ENTPD1: variants seen among roughly 807,000 people sequenced by gnomAD.
ENTPD1 encodes ATP diphosphohydrolase.
Under a neutral mutation model 57.0 loss-of-function variants are expected in ENTPD1, and 33 were observed. The observed-to-expected ratio is 0.58, with a 90% CI of 0.44 to 0.77. The LOEUF (loss-of-function observed/expected upper bound fraction) is 0.77. ENTPD1 is among the 30% of genes least tolerant of loss of function. The pLI, the probability that ENTPD1 is intolerant of heterozygous loss-of-function variation, is 0.00. For synonymous variants in ENTPD1, 202 were observed against 218.8 expected (o/e 0.92, Z 0.68); for missense variants, 501 against 603.4 (o/e 0.83, Z 1.78).
chr10:95,848,586 GC>G (rs907491976), intron 7 of ENTPD1, among the ~76,000 whole-genome samples: 4 of 152,146 alleles, frequency 2.6e-5, no homozygotes, highest in Non-Finnish European at 5.9e-5. Context: ...GGGGCATGAA[GC>G]CAGCTTGCTT....
chr10:95,705,121 G>T, the ENTPD1 span, among the ~76,000 whole-genome samples: 6 of 152,096 alleles, frequency 3.9e-5, no homozygotes, highest in Admixed American at 3.9e-4. Context: ...CTTTTTAAAG[G>T]TGGAGGATAT....
At chr10:95,706,497 C>T in the ENTPD1 span, among the ~76,000 whole-genome samples, 703 of 152,206 alleles carry the variant, frequency 4.6e-3, 2 homozygotes, top group Middle Eastern at 0.02. Context: ...CCTCTCTGCC[C>T]GCTGGTCGTC....
intron 1 of ENTPD1, among the ~76,000 whole-genome samples, chr10:95,737,176 A>G (rs1011549568): frequency 1.3e-5 from 2 of 152,178 alleles, no homozygotes; most frequent in Non-Finnish European, 2.9e-5. Context: ...TCTACTATTC[A>G]GTGCAGGACA....
At chr10:95,732,821 G>A (rs2097990704) in intron 1 of ENTPD1, among the ~76,000 whole-genome samples, 1 of 152,168 alleles carries the variant, frequency 6.6e-6, no homozygotes, top group Non-Finnish European at 1.5e-5. Flanking sequence ...ATTTTCAAAA[G>A]GGGAGGGAGT....
At chr10:95,767,713 AAG>A (rs2098095331) in intron 1 of ENTPD1, among the ~76,000 whole-genome samples, 1 of 152,056 alleles carries the variant, frequency 6.6e-6, no homozygotes, top group Admixed American at 6.6e-5. Flanking sequence ...AGTGTTATAA[AAG>A]AGAGACAACT....
At chr10:95,798,798 C>T (rs908067702) in intron 1 of ENTPD1, among the ~76,000 whole-genome samples, 3 of 152,178 alleles carry the variant, frequency 2.0e-5, no homozygotes, top group Non-Finnish European at 4.4e-5. Context: ...GACACATTTT[C>T]CTTCACTCAG....
At chr10:95,859,882 T>C (rs1189015466) in intron 7 of ENTPD1, among the ~76,000 whole-genome samples, 1 of 152,198 alleles carries the variant, frequency 6.6e-6, no homozygotes, top group Non-Finnish European at 1.5e-5. Context: ...ACTTTTAACT[T>C]TTTTTATAGT....
chr10:95,774,618 T>C (rs2098126957), intron 1 of ENTPD1, among the ~76,000 whole-genome samples: 1 of 152,196 alleles, frequency 6.6e-6, no homozygotes, highest in African/African-American at 2.4e-5. Flanking sequence ...TTTTATCAGG[T>C]TTGTCAAAGA....
Position 95,872,808 on chromosome 10 carries a change from C to T in ENTPD1, c.*6425C>T. 5.1e-6 allele frequency: 5 copies of T among 985,464 alleles called. No homozygotes were observed. The highest frequency in any genetic ancestry group is 6.0e-6 in the Non-Finnish European group (5 of 829,936). The allele number at this position is 985,464 out of a possible 1,614,324, so 61.0% of individuals were successfully genotyped here. ...TCTATTTATCTCTTGATGTAACCAT[C>T]TTCTTTCTCCAGGTTTTAAGAACCA... On this transcript the variant is annotated 3_prime_UTR_variant, in exon 10 of 10. Transcript: ENST00000371205.
chr10:95,822,188 C>T (rs748589655), intron 1 of ENTPD1, among the ~76,000 whole-genome samples: 4 of 149,864 alleles, frequency 2.7e-5, no homozygotes, highest in African/African-American at 4.9e-5. Context: ...TCAGTAGAGA[C>T]GGGGTTTCAC....
chr10:95,865,177 C>G (rs749804990), intron 9 of ENTPD1, among the ~76,000 whole-genome samples: 3 of 152,218 alleles, frequency 2.0e-5, no homozygotes, highest in Non-Finnish European at 4.4e-5. Context: ...TACAGTGACT[C>G]TGTGTGCTGA....
chr10:95,803,615 G>A (rs1204757047), intron 1 of ENTPD1, among the ~76,000 whole-genome samples: 1 of 152,194 alleles, frequency 6.6e-6, no homozygotes, highest in Non-Finnish European at 1.5e-5. Context: ...CTCTTTGTCA[G>A]ATGGGTAGAT....
chr10:95,721,775 T>C (rs1314896549), intron 1 of ENTPD1, among the ~76,000 whole-genome samples: 4 of 152,136 alleles, frequency 2.6e-5, no homozygotes, highest in African/African-American at 9.7e-5. Context: ...TAATGCTTAT[T>C]GCTTTCCAGG....
intron 1 of ENTPD1, among the ~76,000 whole-genome samples, chr10:95,715,839 C>T (rs954273422): frequency 6.6e-6 from 1 of 152,134 alleles, no homozygotes. Flanking sequence ...TCCCTCATCC[C>T]CTGACAACTA....
At chr10:95,713,608 A>G (rs1374693409) in intron 1 of ENTPD1, among the ~76,000 whole-genome samples, 1 of 152,232 alleles carries the variant, frequency 6.6e-6, no homozygotes, top group African/African-American at 2.4e-5. Flanking sequence ...ATTCCTTGTC[A>G]GAGAATCAGT....
chr10:95,790,174 A>G (rs1289334853), intron 1 of ENTPD1, among the ~76,000 whole-genome samples: 1 of 152,228 alleles, frequency 6.6e-6, no homozygotes, highest in African/African-American at 2.4e-5. Context: ...CAGATAGATG[A>G]TTCATCTCAT....
At chr10:95,778,096 C>T (rs945993705) in intron 1 of ENTPD1, among the ~76,000 whole-genome samples, 21 of 152,222 alleles carry the variant, frequency 1.4e-4, no homozygotes, top group African/African-American at 4.6e-4. Flanking sequence ...ATCCCTTGCG[C>T]TTTCCAGGTG....
chr10:95,812,220 TCCTTTGTGGC>T (rs1411163123), intron 1 of ENTPD1, among the ~76,000 whole-genome samples: 1 of 152,224 alleles, frequency 6.6e-6, no homozygotes, highest in Admixed American at 6.5e-5. Context: ...TTCCAAAAGC[TCCTTTGTGGC>T]CCTTTGTAGT....
intron 8 of ENTPD1, 33 bp downstream of exon 8, chr10:95,860,615 T>A (rs548374831): frequency 6.4e-7 from 1 of 1,569,008 alleles, no homozygotes; most frequent in Admixed American, 1.7e-5. Context: ...TCTAACAGCA[T>A]GAGTGCCCTG....
Sources: gnomAD v4.1 joint callset for allele counts (sites outside exome capture counted in the v4.1 genomes callset) on GRCh38, gnomAD v4.1.1 for gene constraint, MANE v1.5 for transcripts, NCBI Gene and HGNC (gene_info 2026-07-23, HGNC 2026-07-21) for gene names.